The following SH2D2A variants were observed in gnomAD, a reference collection of about 807,000 sequenced individuals.
SH2D2A encodes the protein SH2 domain-containing protein 2A.
Under a neutral mutation model 43.6 loss-of-function variants are expected in SH2D2A, and 33 were observed. The observed-to-expected ratio is 0.76, with a 90% CI of 0.57 to 1.01. The LOEUF (loss-of-function observed/expected upper bound fraction) is 1.01, where lower values mean the gene tolerates loss of function less well. Ranked by LOEUF, SH2D2A falls within the 50% of genes least tolerant of loss-of-function variation. The pLI is 0.00. For missense variants in SH2D2A, 491 were observed against 503.1 expected (o/e 0.98, Z 0.23); for synonymous variants, 212 against 206.1 (o/e 1.03, Z -0.25).
chr1:156,812,816 A>G (rs1402113358), intron 5 of SH2D2A, among the ~76,000 whole-genome samples: 2 of 151,960 alleles, frequency 1.3e-5, no homozygotes, highest in Non-Finnish European at 2.9e-5. Flanking sequence ...CTTGTTATCC[A>G]TATTACTCAC....
rs1021258673 is a variant in SH2D2A, at chr1:156,816,822, T to C, written c.-114A>G. ...TCACCCTGGCCCCGGGGGCAGGAAA[T>C]GTCGCCTTACCCACAGCCTTAGTTC... On this transcript the variant is annotated 5_prime_UTR_variant, in exon 1 of 9. Coordinates refer to ENST00000368199, the MANE Select transcript of SH2D2A (RefSeq NM_003975.4). 2 of 999,776 alleles carry C rather than the reference T, an allele frequency of 2.0e-6. No homozygotes were observed. The highest frequency in any genetic ancestry group is 2.8e-6 in the Non-Finnish European group (2 of 706,202). 61.9% of individuals were successfully genotyped at this position (999,776 alleles called of 1,614,324 possible). A position where few individuals can be genotyped will look rare whatever the true frequency, so the allele number is the denominator to read the frequency against.
At chr1:156,813,259 C>A (rs1653550933) in intron 5 of SH2D2A, among the ~76,000 whole-genome samples, 1 of 152,224 alleles carries the variant, frequency 6.6e-6, no homozygotes, top group African/African-American at 2.4e-5. Flanking sequence ...GCATCCTCCC[C>A]TGGCCTCATC....
rs1653326442 is a variant in SH2D2A at position 156,810,407 on chromosome 1, A to ATGCAACATGGCT, written c.568-612_568-601dup. On this transcript the variant is annotated intron_variant, in intron 5 of 8. Transcript: ENST00000368199. ...TCCATTTGTGCCTGTGGTTCTGAAAATGCAACATGGCTTTACACGTCTTTA... is the reference window on the plus strand; with the variant it reads ...TCCATTTGTGCCTGTGGTTCTGAAAATGCAACATGGCTTGCAACATGGCTTTACACGTCTTTA... Among the ~76,000 whole-genome samples, 7 of 152,346 alleles carry ATGCAACATGGCT rather than the reference A, an allele frequency of 4.6e-5. No homozygotes were observed. In the South Asian group the frequency reaches 1.5e-3, roughly 32 times the overall value.
At chr1:156,816,156 C>T (rs1314300971) in intron 1 of SH2D2A, 62 bp from the exon 2 acceptor site, 4 of 1,537,818 alleles carry the variant, frequency 2.6e-6, no homozygotes, top group African/African-American at 2.7e-5. Context: ...TCTCTGCCTC[C>T]CACCCCTCCT....
Position 156,814,301 on chromosome 1 carries a change from G to A in SH2D2A, c.309-7C>T, listed in dbSNP as rs751643209. The A allele has an allele frequency of 6.2e-7, 1 of 1,612,810 alleles. No individual in the cohort carries two copies. Among genetic ancestry groups the A allele is most frequent in the South Asian group, 1.1e-5 (1 of 90,856 alleles). ...CAGCAGCCTCTCTGCCTCCCTGTGG[G>A]TGACGGAGAGAGGGGGCCGAACCCT... On this transcript the variant is annotated splice_polypyrimidine_tract_variant and splice_region_variant and intron_variant, in intron 3 of 8. Coordinates refer to ENST00000368199, the MANE Select transcript of SH2D2A (RefSeq NM_003975.4).
intron 5 of SH2D2A, among the ~76,000 whole-genome samples, chr1:156,813,189 G>C (rs937866301): frequency 1.3e-5 from 2 of 152,154 alleles, no homozygotes; most frequent in Non-Finnish European, 2.9e-5. Flanking sequence ...TGACTAGGCT[G>C]GGCGCAGTGG....
At chr1:156,815,873 C>A in intron 2 of SH2D2A, 133 bp downstream of exon 2, 1 of 1,614,078 alleles carries the variant, frequency 6.2e-7, no homozygotes, top group Non-Finnish European at 8.5e-7. Flanking sequence ...CTCTGTGCCC[C>A]AGCCCGTTGG....
intron 1 of SH2D2A, 51 bp downstream of exon 1, chr1:156,816,624 A>T (rs572393099): frequency 6.3e-7 from 1 of 1,575,428 alleles, no homozygotes; most frequent in Admixed American, 1.7e-5. Context: ...GGGCAGGGGG[A>T]TGGGGGTCTT....
Position 156,807,140 on chromosome 1 carries a change from A to T in SH2D2A, c.*3+35T>A. The T allele has an allele frequency of 6.3e-7, 1 of 1,595,474 alleles. No homozygotes were observed. The highest frequency in any genetic ancestry group is 8.6e-7 in the Non-Finnish European group (1 of 1,165,378). On this transcript the variant is annotated intron_variant, in intron 8 of 8. Coordinates refer to ENST00000368199, the MANE Select transcript of SH2D2A (RefSeq NM_003975.4). The surrounding 1 kb of genome is among the most constrained non-coding windows in gnomAD (Gnocchi z 5.1). ...GTGTGTGTGAAGGTCTCTGGACCTG[A>T]TGCTCCAAGTTATCCTCACCAAGCT... is the stretch of plus-strand genomic sequence containing the variant.
chr1:156,816,082 G>T lies in SH2D2A; in HGVS notation c.47C>A (p.Ala16Asp). 6.2e-7 allele frequency: 1 copy of T among 1,613,610 alleles called. No homozygotes were observed. Among genetic ancestry groups the T allele is most frequent in the Non-Finnish European group, 8.5e-7 (1 of 1,179,734 alleles). ...AQICPQGSHE[A>D]PIPTFSTFQI... ...GAAGGTGCTGAAGGTTGGGATGGGG[G>T]CTTCGTGACTCCCTGTGAGCACAAA... Residue 16 changes from alanine to aspartate, a missense_variant, in exon 2 of 9, where the codon GCC becomes GAC. Transcript: ENST00000368199.
At chr1:156,815,691 A>G (rs1186028369) in intron 2 of SH2D2A, 1 of 953,092 alleles carries the variant, frequency 1.0e-6, no homozygotes, top group East Asian at 2.4e-5. Flanking sequence ...TGTGGAATGC[A>G]CTGGGCAAAT....
At chr1:156,811,424 C>G (rs1000772244) in intron 5 of SH2D2A, among the ~76,000 whole-genome samples, 5 of 152,210 alleles carry the variant, frequency 3.3e-5, no homozygotes, top group Admixed American at 6.5e-5. Flanking sequence ...CTCCTGAGAG[C>G]TTGAGTGACA....
rs147316791 is a variant in SH2D2A at position 156,815,183 on chromosome 1, C to G, written c.162G>C (p.Gly54=). The G allele has an allele frequency of 3.8e-6, 6 of 1,595,556 alleles. No homozygotes were observed. The Admixed American group carries it at 5.2e-5, about 14-fold the overall frequency. ...PQAPEAASNT[G]NAERAEEVPG... ...GCACCTCCTCTGCCCTCTCAGCATT[C>G]CCTGTGTTGGAGGCAGCCTCCGGGG... is the stretch of plus-strand genomic sequence containing the variant. Residue 54 remains glycine, a synonymous_variant, in exon 3 of 9, where the codon GGG becomes GGC. Coordinates refer to ENST00000368199, the MANE Select transcript of SH2D2A (RefSeq NM_003975.4).
chr1:156,815,265 G>A, intron 2 of SH2D2A, 44 bp from the exon 3 acceptor site: 1 of 1,388,384 alleles, frequency 7.2e-7, no homozygotes. Flanking sequence ...AGCATGATGA[G>A]TGGGCCTTCT....
chr1:156,813,853 G>A lies in SH2D2A; in HGVS notation c.562C>T (p.Arg188Ter), dbSNP rs1653604748. 5 of 1,485,676 alleles carry A rather than the reference G, an allele frequency of 3.4e-6. No individual in the cohort carries two copies. Among genetic ancestry groups the A allele is most frequent in the Non-Finnish European group, 4.5e-6 (5 of 1,117,944 alleles). 92.0% of individuals were successfully genotyped at this position (1,485,676 alleles called of 1,614,324 possible). A position where few individuals can be genotyped will look rare whatever the true frequency, so the allele number is the denominator to read the frequency against. ...YGETLTEPLA[R>*]QTPEPAGLSL... ...TCAGGGTCTGGGGCGCGTACCTGTC[G>A]GGCGAGGGGCTCGGTGAGCGTCTCC... is the stretch of plus-strand genomic sequence containing the variant. Residue 188 changes from arginine to a stop codon, truncating the protein, a stop_gained, in exon 5 of 9, where the codon CGA (arginine) becomes TGA (stop). Transcript: ENST00000368199. LOFTEE classifies it high-confidence loss of function.
chr1:156,808,588 G>A (rs540403402), intron 7 of SH2D2A, among the ~76,000 whole-genome samples: 3 of 152,120 alleles, frequency 2.0e-5, no homozygotes, highest in East Asian at 1.9e-4. Context: ...TGGGAGGGCC[G>A]CAGAGGCCGA....
chr1:156,814,162 G>A (rs1420799940), intron 4 of SH2D2A, 43 bp downstream of exon 4: 1 of 1,609,826 alleles, frequency 6.2e-7, no homozygotes, highest in East Asian at 2.2e-5. Context: ...CGCCCCTCCC[G>A]AGCCCCGCCT....
rs1286684654 is a variant in SH2D2A, at chr1:156,816,062, T to C, written c.67A>G (p.Thr23Ala). 6.2e-7 allele frequency: 1 copy of C among 1,613,868 alleles called. No homozygotes were observed. Among genetic ancestry groups the C allele is most frequent in the Non-Finnish European group, 8.5e-7 (1 of 1,179,946 alleles). ...CGGGTCATGTCTGTGATCTGGAAGG[T>C]GCTGAAGGTTGGGATGGGGGCTTCG... ...SHEAPIPTFS[T>A]FQITDMTRRS... Residue 23 changes from threonine to alanine, a missense_variant, in exon 2 of 9, where the codon ACC becomes GCC. Physicochemically the swap from Thr to Ala is moderately conservative, Grantham distance 58. Coordinates refer to ENST00000368199, the MANE Select transcript of SH2D2A (RefSeq NM_003975.4).
rs775390684 is a variant in SH2D2A, at chr1:156,815,090, C to T, written c.255G>A (p.Trp85Ter). The change falls in exon 3 of 9, where the codon TGG becomes TGA. Residue 85 changes from tryptophan to a stop codon, truncating the protein, a stop_gained. Transcript: ENST00000368199. LOFTEE classifies it high-confidence loss of function. ...CAGGGGCTGCCCCGTGCTGCAGGAG[C>T]CAGTGGGCCTGGGTCTTCTGGAACC... ...RAWFQKTQAHWLLQHGAAPAW... is the reference protein window; with the variant it reads ...RAWFQKTQAH 2.5e-6 allele frequency: 4 copies of T among 1,607,586 alleles called. No homozygotes were observed. The South Asian group carries it at 4.4e-5, about 18-fold the overall frequency.
Sources: gnomAD v4.1 joint callset for allele counts (sites outside exome capture counted in the v4.1 genomes callset) on GRCh38, gnomAD v4.1.1 for gene constraint, Gnocchi (gnomAD v3.1) non-coding constraint, MANE v1.5 for transcripts, NCBI Gene and HGNC (gene_info 2026-07-23, HGNC 2026-07-21) for gene names.